The following PAPOLA variants were observed in gnomAD, a reference collection of about 807,000 sequenced individuals.
The protein encoded by PAPOLA is poly(A) polymerase alpha, also known as polynucleotide adenylyltransferase alpha.
Under a neutral mutation model 100.6 loss-of-function variants are expected in PAPOLA, and 15 were observed. The observed-to-expected ratio is 0.15, with a 90% CI of 0.10 to 0.23. PAPOLA has a LOEUF of 0.23. PAPOLA is among the 10% of genes least tolerant of loss of function. PAPOLA has a pLI of 1.00. For synonymous variants in PAPOLA, 293 were observed against 300.0 expected, an observed-to-expected ratio of 0.98 and a Z score of 0.24; for missense variants, 533 against 884.2, an observed-to-expected ratio of 0.60 and a Z score of 5.04.
chr14:96,561,964 G>A (rs1007891551), intron 20 of PAPOLA, among the ~76,000 whole-genome samples: 4 of 150,968 alleles, frequency 2.6e-5, no homozygotes, highest in African/African-American at 9.8e-5. Context: ...GGACAATCTC[G>A]GCTCACTGCA....
At chr14:96,537,336 A>C (rs1040238202) in intron 12 of PAPOLA, 8 of 331,602 alleles carry the variant, frequency 2.4e-5, no homozygotes, top group Non-Finnish European at 3.9e-5. Context: ...AAAACAGTAC[A>C]TCTGTATACA....
chr14:96,544,136 CTCT>C lies in PAPOLA; in HGVS notation c.1290-8_1290-6del. The C allele has an allele frequency of 7.2e-7, 1 of 1,382,530 alleles. No individual in the cohort carries two copies. The highest frequency in any genetic ancestry group is 1.0e-6 in the Non-Finnish European group (1 of 972,772). 85.6% of individuals were successfully genotyped at this position (1,382,530 alleles called of 1,614,324 possible). ...GAAATCCAGATAAACTATGGTAATG[CTCT>C]TCTTTGCAGGGAAGAATTTCGCACG... On this transcript the variant is annotated splice_polypyrimidine_tract_variant and intron_variant, in intron 14 of 21. Coordinates refer to ENST00000216277, the MANE Select transcript of PAPOLA (RefSeq NM_032632.5).
rs1373145589 is a variant in PAPOLA at position 96,522,112 on chromosome 14, CTTTCTTTTT to C, written c.249+1044_249+1052del. 3.4e-3 allele frequency among the ~76,000 whole-genome samples: 333 copies of C among 98,624 alleles called. 1 individual carries two copies. The highest frequency in any genetic ancestry group is 0.015 in the African/African-American group (292 of 19,624). The allele number at this position is 98,624 out of a possible 152,430, so 64.7% of individuals were successfully genotyped here. On this transcript the variant is annotated intron_variant, in intron 3 of 21. Coordinates refer to ENST00000216277, the MANE Select transcript of PAPOLA (RefSeq NM_032632.5). The stretch of plus-strand genomic sequence containing the variant: ...GCCACTGCATCTAGCCTCTTTCTTT[CTTTCTTTTT>C]TTTTTTTTTTTTTTTTTTTTGAGAC...
chr14:96,533,843 G>A (rs1899285904), intron 9 of PAPOLA: 6 of 982,528 alleles, frequency 6.1e-6, no homozygotes, highest in Middle Eastern at 5.2e-4. Flanking sequence ...GTGAGCCACC[G>A]CGTCCGGCTG....
chr14:96,511,589 T>TC (rs1264043529), intron 1 of PAPOLA, among the ~76,000 whole-genome samples: 3 of 152,316 alleles, frequency 2.0e-5, no homozygotes, highest in Admixed American at 1.3e-4. Context: ...ATGGTTTTTT[T>TC]CCCAAACTTC....
At chr14:96,545,846 A>G (rs1900353978) in intron 15 of PAPOLA, among the ~76,000 whole-genome samples, 1 of 152,046 alleles carries the variant, frequency 6.6e-6, no homozygotes, top group Non-Finnish European at 1.5e-5. Flanking sequence ...TCCTGAAGTA[A>G]AAATTCTGAT....
chr14:96,505,013 T>C (rs1039387550), intron 1 of PAPOLA, among the ~76,000 whole-genome samples: 23 of 152,360 alleles, frequency 1.5e-4, no homozygotes, highest in African/African-American at 5.5e-4. Flanking sequence ...AACATTTTGA[T>C]CAAGTGTCCA....
Position 96,502,533 on chromosome 14 carries a change from G to T in PAPOLA, c.-60G>T, listed in dbSNP as rs1896350495. The T allele has an allele frequency of 7.2e-7, 1 of 1,397,624 alleles. No homozygotes were observed. The highest frequency in any genetic ancestry group is 2.0e-5 in the Admixed American group (1 of 50,904). The allele number at this position is 1,397,624 out of a possible 1,614,324, so 86.6% of individuals were successfully genotyped here. A position where few individuals can be genotyped will look rare whatever the true frequency, so the allele number is the denominator to read the frequency against. Reference sequence around the variant, plus strand: ...CTCCCGCCTCAGTGGATCATGCCCAGGGCGGCAGCGGCGGCGGTTGCGGGG... The same window carrying T: ...CTCCCGCCTCAGTGGATCATGCCCATGGCGGCAGCGGCGGCGGTTGCGGGG... On this transcript the variant is annotated 5_prime_UTR_variant, in exon 1 of 22. It adds an upstream start codon to the 5' untranslated region. Coordinates refer to ENST00000216277, the MANE Select transcript of PAPOLA (RefSeq NM_032632.5).
chr14:96,536,646 C>G (rs1353064217), intron 11 of PAPOLA, among the ~76,000 whole-genome samples: 1 of 151,914 alleles, frequency 6.6e-6, no homozygotes, highest in Non-Finnish European at 1.5e-5. Flanking sequence ...AACAGGGAAA[C>G]TTGGTTTTAG....
intron 18 of PAPOLA, 86 bp downstream of exon 18, chr14:96,556,033 G>C (rs1278088170): frequency 8.5e-7 from 1 of 1,175,212 alleles, no homozygotes; most frequent in African/African-American, 1.5e-5. Flanking sequence ...TTGTTAAGTA[G>C]TTGAAATTCA....
At chr14:96,537,294 A>G (rs1200652738) in intron 12 of PAPOLA, 17 of 503,944 alleles carry the variant, frequency 3.4e-5, no homozygotes, top group African/African-American at 1.2e-4. Context: ...TTGTAGCAAC[A>G]TAAGTTCTGT....
chr14:96,555,718 A>C, intron 17 of PAPOLA, 129 bp from the exon 18 acceptor site: 1 of 488,456 alleles, frequency 2.0e-6, no homozygotes, highest in Non-Finnish European at 3.6e-6. Flanking sequence ...AATTGTATGT[A>C]TAGGAAGTAA....
At chr14:96,533,342 T>C in intron 9 of PAPOLA, 1 of 982,822 alleles carries the variant, frequency 1.0e-6, no homozygotes, top group Middle Eastern at 5.2e-4. Context: ...TATGAACTCC[T>C]GCTCCTCCCT....
chr14:96,554,884 AG>A (rs1293289465), intron 17 of PAPOLA, among the ~76,000 whole-genome samples: 5 of 152,144 alleles, frequency 3.3e-5, no homozygotes, highest in Admixed American at 6.5e-5. Flanking sequence ...AGGAAAGAAT[AG>A]GGGTTAATTA....
In PAPOLA at chr14:96,521,079, C is replaced by T; in HGVS notation, c.249+7C>T. On this transcript the variant is annotated splice_region_variant and intron_variant, in intron 3 of 21. Transcript: ENST00000216277. ...AGAAATCAGTGAAAGCAAGGTAAGGCAACTTTTTTGTATATGAAATAATTT... is the reference window on the plus strand; with the variant it reads ...AGAAATCAGTGAAAGCAAGGTAAGGTAACTTTTTTGTATATGAAATAATTT... 2 of 1,444,590 alleles carry T rather than the reference C, an allele frequency of 1.4e-6. No individual in the cohort carries two copies. Among genetic ancestry groups the T allele is most frequent in the Non-Finnish European group, 1.9e-6 (2 of 1,028,966 alleles). The allele number at this position is 1,444,590 out of a possible 1,614,324, so 89.5% of individuals were successfully genotyped here.
intron 1 of PAPOLA, among the ~76,000 whole-genome samples, chr14:96,517,036 A>G (rs775899304): frequency 3.3e-5 from 5 of 152,176 alleles, no homozygotes; most frequent in Non-Finnish European, 7.3e-5. Context: ...ATTCCTTGAG[A>G]ATGGAAAAGA....
chr14:96,521,192 T>TA, intron 3 of PAPOLA, 120 bp downstream of exon 3: 4 of 657,348 alleles, frequency 6.1e-6, no homozygotes, highest in Non-Finnish European at 1.1e-5. Flanking sequence ...GAGTCAATTT[T>TA]AGACTATTGA....
intron 3 of PAPOLA, among the ~76,000 whole-genome samples, chr14:96,524,751 C>T (rs1898319320): frequency 6.6e-6 from 1 of 152,142 alleles, no homozygotes; most frequent in African/African-American, 2.4e-5. Flanking sequence ...TCAATCTGGG[C>T]TCAAGCAATT....
intron 1 of PAPOLA, among the ~76,000 whole-genome samples, chr14:96,507,693 T>C (rs1896827750): frequency 6.6e-6 from 1 of 152,238 alleles, no homozygotes; most frequent in Admixed American, 6.5e-5. Flanking sequence ...GTAAGCATAA[T>C]GCATGTAAGA....
Sources: gnomAD v4.1 joint callset for allele counts (sites outside exome capture counted in the v4.1 genomes callset) on GRCh38, gnomAD v4.1.1 for gene constraint, MANE v1.5 for transcripts, NCBI Gene and HGNC (gene_info 2026-07-23, HGNC 2026-07-21) for gene names.